ADORA2B: variants seen among roughly 807,000 people sequenced by gnomAD.
ADORA2B encodes adenosine receptor A2b.
ADORA2B carries 18 observed loss-of-function variants against 20.8 expected under a neutral mutation model. That is an observed-to-expected ratio of 0.87 (90% CI 0.60 to 1.29). The LOEUF (loss-of-function observed/expected upper bound fraction) is 1.29, where lower values mean the gene tolerates loss of function less well. ADORA2B is among the 50% of genes most tolerant of loss of function. The probability of loss-of-function intolerance (pLI) is 0.00; values close to 1 mark genes in which losing one functional copy is unlikely to be tolerated. For synonymous variants in ADORA2B, 179 were observed against 178.3 expected (o/e 1.00, Z -0.03); for missense variants, 441 against 422.7 (o/e 1.04, Z -0.38).
the ADORA2B span, among the ~76,000 whole-genome samples, chr17:15,900,298 G>A: frequency 6.6e-6 from 1 of 152,114 alleles, no homozygotes; most frequent in Non-Finnish European, 1.5e-5. Flanking sequence ...TGGGTTGAAT[G>A]GTAGTTTTGT....
the ADORA2B span, among the ~76,000 whole-genome samples, chr17:15,877,667 A>G: frequency 6.6e-6 from 1 of 152,136 alleles, no homozygotes; most frequent in African/African-American, 2.4e-5. Flanking sequence ...CAACTGCTCA[A>G]TATCCACCTG....
the ADORA2B span, among the ~76,000 whole-genome samples, chr17:15,939,085 G>A: frequency 0.039 from 5,863 of 152,130 alleles, 407 homozygotes; most frequent in African/African-American, 0.13. Context: ...CCGTTGCCCA[G>A]GCCGGAGTGC....
chr17:15,880,843 A>G, the ADORA2B span, among the ~76,000 whole-genome samples: 14 of 152,342 alleles, frequency 9.2e-5, no homozygotes, highest in African/African-American at 3.1e-4. Flanking sequence ...ACTACTTAGC[A>G]GCTATTTAAA....
the ADORA2B span, among the ~76,000 whole-genome samples, chr17:15,937,043 C>G: frequency 6.6e-6 from 1 of 152,176 alleles, no homozygotes; most frequent in Non-Finnish European, 1.5e-5. Context: ...TTCTTAGGAG[C>G]AGTTTCTGTT....
the ADORA2B span, among the ~76,000 whole-genome samples, chr17:15,856,252 T>G: frequency 6.6e-6 from 1 of 151,642 alleles, no homozygotes; most frequent in African/African-American, 2.4e-5. Flanking sequence ...TCTGTCTTTC[T>G]CTGTCCCCGC....
the ADORA2B span, among the ~76,000 whole-genome samples, chr17:15,853,833 T>G: frequency 6.6e-6 from 1 of 152,206 alleles, no homozygotes; most frequent in African/African-American, 2.4e-5. Context: ...CTTCGATACC[T>G]AATTCTTGCA....
At chr17:15,974,294 C>T (rs1195667216) in intron 1 of ADORA2B, 1 of 174,432 alleles carries the variant, frequency 5.7e-6, no homozygotes, top group Non-Finnish European at 1.2e-5. Flanking sequence ...AAGGAGGCAG[C>T]TTTAGGCTAA....
the ADORA2B span, among the ~76,000 whole-genome samples, chr17:15,923,372 TC>T: frequency 6.2e-5 from 9 of 145,076 alleles, no homozygotes; most frequent in South Asian, 1.5e-3. Flanking sequence ...TCTCTGTCTC[TC>T]TCTCTATGTG....
the ADORA2B span, among the ~76,000 whole-genome samples, chr17:15,852,112 T>C: frequency 6.6e-6 from 1 of 152,238 alleles, no homozygotes; most frequent in Non-Finnish European, 1.5e-5. Context: ...GTAAGAAATC[T>C]TGATATATTG....
intron 1 of ADORA2B, among the ~76,000 whole-genome samples, chr17:15,953,640 G>A (rs559752857): frequency 1.3e-5 from 2 of 149,940 alleles, no homozygotes; most frequent in Non-Finnish European, 2.9e-5. Context: ...CTGTGTTTCT[G>A]TCAAGTGGTG....
At chr17:15,890,014 A>G in the ADORA2B span, among the ~76,000 whole-genome samples, 2 of 130,052 alleles carry the variant, frequency 1.5e-5, 1 homozygote, top group African/African-American at 6.5e-5. Context: ...TGTCGTGTCC[A>G]TTTCCTCTAC....
At chr17:15,885,997 C>G in the ADORA2B span, among the ~76,000 whole-genome samples, 3 of 152,168 alleles carry the variant, frequency 2.0e-5, no homozygotes, top group South Asian at 6.2e-4. Context: ...CAGTTCTTAG[C>G]GTGGCCAGTT....
chr17:15,885,868 C>T, the ADORA2B span, among the ~76,000 whole-genome samples: 1 of 152,196 alleles, frequency 6.6e-6, no homozygotes, highest in Non-Finnish European at 1.5e-5. Context: ...TTCCTGAAGT[C>T]ACACTGAGTT....
At chr17:15,954,957 G>C (rs985669290) in intron 1 of ADORA2B, among the ~76,000 whole-genome samples, 1 of 151,814 alleles carries the variant, frequency 6.6e-6, no homozygotes, top group Non-Finnish European at 1.5e-5. Flanking sequence ...TTTTTCCTTG[G>C]TGTTCTGAAA....
At chr17:15,865,641 G>A in the ADORA2B span, among the ~76,000 whole-genome samples, 7 of 152,224 alleles carry the variant, frequency 4.6e-5, no homozygotes, top group Non-Finnish European at 8.8e-5. Context: ...AGCATCGCCA[G>A]CTCCCACAGA....
the ADORA2B span, among the ~76,000 whole-genome samples, chr17:15,876,449 C>CTTTTTTTTTTTT: frequency 6.5e-4 from 78 of 119,286 alleles, no homozygotes; most frequent in East Asian, 1.2e-3. Context: ...TTTCTTTTTT[C>CTTTTTTTTTTTT]TTTTTTTTTT....
the ADORA2B span, among the ~76,000 whole-genome samples, chr17:15,915,816 G>C: frequency 6.6e-6 from 1 of 152,172 alleles, no homozygotes; most frequent in Non-Finnish European, 1.5e-5. Context: ...ATATTGGGGA[G>C]GGTATCTGCT....
the ADORA2B span, among the ~76,000 whole-genome samples, chr17:15,874,850 A>G: frequency 6.6e-6 from 1 of 152,114 alleles, no homozygotes; most frequent in East Asian, 1.9e-4. Flanking sequence ...TTTAATATAT[A>G]TTCTCAAATT....
chr17:15,934,791 TATTA>T, the ADORA2B span, among the ~76,000 whole-genome samples: 3 of 152,302 alleles, frequency 2.0e-5, no homozygotes, highest in Non-Finnish European at 2.9e-5. Context: ...CTGTCTTTTG[TATTA>T]ATTAATTTAT....
Sources: allele counts gnomAD v4.1 joint callset (sites outside exome capture counted in the v4.1 genomes callset), GRCh38; gene constraint gnomAD v4.1.1; transcripts MANE v1.5; gene names NCBI Gene and HGNC (gene_info 2026-07-23, HGNC 2026-07-21).